Variants in GABRP observed in about 807,000 individuals in gnomAD.
The protein encoded by GABRP is gamma-aminobutyric acid type A receptor subunit pi, also known as gamma-aminobutyric acid receptor subunit pi.
Under a neutral mutation model 47.8 loss-of-function variants are expected in GABRP, and 52 were observed. The observed-to-expected ratio is 1.09, with a 90% CI of 0.87 to 1.37. GABRP has a LOEUF of 1.37. Ranked by LOEUF, GABRP falls within the 40% of genes most tolerant of loss-of-function variation. The probability of loss-of-function intolerance (pLI) is 0.00; values close to 1 mark genes in which losing one functional copy is unlikely to be tolerated. For missense variants in GABRP, 525 were observed against 542.8 expected (o/e 0.97, Z 0.33); for synonymous variants, 221 against 205.8 (o/e 1.07, Z -0.63).
Position 170,811,984 on chromosome 5 carries a change from G to C in GABRP, c.1049G>C (p.Ser350Thr). 6.2e-7 allele frequency: 1 copy of C among 1,614,144 alleles called. No individual in the cohort carries two copies. The highest frequency in any genetic ancestry group is 8.5e-7 in the Non-Finnish European group (1 of 1,180,004). Residue 350 changes from serine to threonine, a missense_variant, in exon 10 of 10, where the codon AGT (serine) becomes ACT (threonine). By Grantham distance (58) the Ser-to-Thr change is moderately conservative. Coordinates refer to ENST00000265294, the MANE Select transcript of GABRP (RefSeq NM_014211.3). ...ACAACAAAGGAAGTAGAAGAAGTCA[G>C]TATTACTAATATCATCAACAGCTCC... ...RGTTKEVEEV[S>T]ITNIINSSIS...
intron 1 of GABRP, among the ~76,000 whole-genome samples, chr5:170,786,660 A>C (rs541571682): frequency 6.6e-6 from 1 of 152,304 alleles, no homozygotes; most frequent in African/African-American, 2.4e-5. Flanking sequence ...CCTTGGAAAT[A>C]TTCCTTATCC....
intron 3 of GABRP, among the ~76,000 whole-genome samples, chr5:170,792,449 A>AT (rs1765300740): frequency 7.0e-6 from 1 of 142,048 alleles, no homozygotes; most frequent in African/African-American, 2.5e-5. Flanking sequence ...TCTCAAAAAA[A>AT]AAAAGAAAGA....
At chr5:170,802,986 G>A (rs1463480627) in intron 6 of GABRP, among the ~76,000 whole-genome samples, 1 of 152,206 alleles carries the variant, frequency 6.6e-6, no homozygotes, top group African/African-American at 2.4e-5. Context: ...CAGGGACAGA[G>A]AGACCATAAT....
rs747287223 is a variant in GABRP at position 170,797,536 on chromosome 5, C to A, written c.529C>A (p.Gln177Lys). The change falls in exon 6 of 10, where the codon CAG (glutamine) becomes AAG (lysine). Residue 177 changes from glutamine to lysine, a missense_variant. Gln to Lys is a moderately conservative substitution (Grantham distance 53). Transcript: ENST00000265294. ...YPMDTQTCKL[Q>K]LESWGYDGND... ...CATGGACACACAGACATGCAAGTTG[C>A]AGCTGGAAAGCTGTAAGTATACATC... The A allele has an allele frequency of 2.2e-5, 35 of 1,607,062 alleles. No individual in the cohort carries two copies. The highest frequency in any genetic ancestry group is 2.8e-5 in the Non-Finnish European group (33 of 1,173,710).
At chr5:170,806,447 ATATTT>A (rs1409825887) in intron 7 of GABRP, among the ~76,000 whole-genome samples, 3 of 152,116 alleles carry the variant, frequency 2.0e-5, no homozygotes, top group Non-Finnish European at 2.9e-5. Flanking sequence ...AAATTACTAC[ATATTT>A]TATTTTATTT....
intron 1 of GABRP, chr5:170,788,320 G>A: frequency 3.5e-6 from 1 of 284,650 alleles, no homozygotes; most frequent in Non-Finnish European, 6.4e-6. Context: ...CTGCACTTCA[G>A]CCTGGATGAC....
intron 6 of GABRP, among the ~76,000 whole-genome samples, chr5:170,801,648 G>A (rs1554120085): frequency 6.6e-6 from 1 of 152,118 alleles, no homozygotes; most frequent in Non-Finnish European, 1.5e-5. Flanking sequence ...CTGGATGGCT[G>A]GTTGGGTTCC....
chr5:170,789,128 G>A lies in GABRP; in HGVS notation c.54-1G>A. 6.2e-7 allele frequency: 1 copy of A among 1,611,600 alleles called. No homozygotes were observed. Among genetic ancestry groups the A allele is most frequent in the Non-Finnish European group, 8.5e-7 (1 of 1,177,812 alleles). On this transcript the variant is annotated splice_acceptor_variant, in intron 2 of 9. Coordinates refer to ENST00000265294, the MANE Select transcript of GABRP (RefSeq NM_014211.3). LOFTEE classifies it high-confidence loss of function. ...CACAACAAAGCCCATTTCTTTTCCAGGATGTGCATCCAGGGGAGTCAGTTC... is the reference window on the plus strand; with the variant it reads ...CACAACAAAGCCCATTTCTTTTCCAAGATGTGCATCCAGGGGAGTCAGTTC...
intron 6 of GABRP, among the ~76,000 whole-genome samples, chr5:170,805,131 G>C (rs1765696778): frequency 6.6e-6 from 1 of 151,080 alleles, no homozygotes; most frequent in Admixed American, 6.6e-5. Context: ...TGGCTACCTT[G>C]CAAGTTTACA....
chr5:170,801,622 A>G (rs1045766509), intron 6 of GABRP, among the ~76,000 whole-genome samples: 3 of 152,268 alleles, frequency 2.0e-5, no homozygotes, highest in South Asian at 2.1e-4. Context: ...TTGTCCCACT[A>G]AAGTCTCCAG....
rs1765913597 is a variant in GABRP at position 170,812,361 on chromosome 5, A to C, written c.*103A>C. On this transcript the variant is annotated 3_prime_UTR_variant, in exon 10 of 10. Transcript: ENST00000265294. Reference sequence around the variant, plus strand: ...GTGCACCCACATCCAATGGTGCTACAAGTGACTGAAATAATATTTGAGTCT... The same window carrying C: ...GTGCACCCACATCCAATGGTGCTACCAGTGACTGAAATAATATTTGAGTCT... 2 of 838,946 alleles carry C rather than the reference A, an allele frequency of 2.4e-6. No homozygotes were observed. The highest frequency in any genetic ancestry group is 1.9e-6 in the Non-Finnish European group (1 of 530,486). The allele number at this position is 838,946 out of a possible 1,614,324, so 52.0% of individuals were successfully genotyped here.
chr5:170,784,931 G>T (rs1335980586), intron 1 of GABRP, among the ~76,000 whole-genome samples: 2 of 152,176 alleles, frequency 1.3e-5, no homozygotes, highest in South Asian at 4.1e-4. Context: ...CCATGTCCCT[G>T]CAGATGCAGA....
At chr5:170,805,235 G>C (rs1256541803) in intron 6 of GABRP, among the ~76,000 whole-genome samples, 1 of 151,890 alleles carries the variant, frequency 6.6e-6, no homozygotes, top group African/African-American at 2.4e-5. Context: ...ACTGCTTTGA[G>C]ACTTATCTAA....
At chr5:170,799,036 T>C (rs1164989879) in intron 6 of GABRP, among the ~76,000 whole-genome samples, 1 of 150,904 alleles carries the variant, frequency 6.6e-6, no homozygotes, top group Non-Finnish European at 1.5e-5. Flanking sequence ...CGGTGTTTGG[T>C]TTTTTGTCCT....
At chr5:170,787,616 G>A (rs566038488) in intron 1 of GABRP, among the ~76,000 whole-genome samples, 28 of 127,082 alleles carry the variant, frequency 2.2e-4, no homozygotes, top group African/African-American at 8.6e-4. Flanking sequence ...AGAGAGTACC[G>A]GGGGGGAGGC....
chr5:170,786,093 C>T (rs963278221), intron 1 of GABRP, among the ~76,000 whole-genome samples: 1 of 152,212 alleles, frequency 6.6e-6, no homozygotes, highest in Admixed American at 6.5e-5. Flanking sequence ...CTCTTCCTCA[C>T]TAGATGGGTG....
At chr5:170,798,187 G>A (rs914491346) in intron 6 of GABRP, among the ~76,000 whole-genome samples, 6 of 152,120 alleles carry the variant, frequency 3.9e-5, no homozygotes, top group Non-Finnish European at 5.9e-5. Context: ...GACCACAGGC[G>A]CCCGCCACCA....
intron 9 of GABRP, 102 bp from the exon 10 acceptor site, chr5:170,811,854 T>A (rs1224932506): frequency 9.4e-7 from 1 of 1,067,128 alleles, no homozygotes; most frequent in African/African-American, 1.6e-5. Context: ...TTAAGCCTAA[T>A]TATTCAACAC....
chr5:170,788,400 C>T (rs570674406), intron 1 of GABRP, 174 bp from the exon 2 acceptor site: 1 of 431,646 alleles, frequency 2.3e-6, no homozygotes, highest in East Asian at 3.5e-5. Context: ...AAAATGAAGT[C>T]ATTCCTGGAG....
Sources: allele counts gnomAD v4.1 joint callset (sites outside exome capture counted in the v4.1 genomes callset), GRCh38; gene constraint gnomAD v4.1.1; transcripts MANE v1.5; gene names NCBI Gene and HGNC (gene_info 2026-07-23, HGNC 2026-07-21).